The following IMMT variants were observed in gnomAD, a reference collection of about 807,000 sequenced individuals.
The protein encoded by IMMT is MICOS complex subunit MIC60.
Under a neutral mutation model 92.7 loss-of-function variants are expected in IMMT, and 40 were observed. The observed-to-expected ratio is 0.43, with a 90% CI of 0.34 to 0.56. IMMT has a LOEUF of 0.56. IMMT is among the 20% of genes least tolerant of loss of function. The pLI, the probability that IMMT is intolerant of heterozygous loss-of-function variation, is 0.03. For synonymous variants in IMMT, 322 were observed against 336.1 expected (o/e 0.96, Z 0.46); for missense variants, 831 against 912.1 (o/e 0.91, Z 1.14).
intron 10 of IMMT, 33 bp downstream of exon 10, chr2:86,158,556 ACAT>A: frequency 6.6e-7 from 1 of 1,512,626 alleles, no homozygotes; most frequent in Non-Finnish European, 9.0e-7. Context: ...AGTGGTTAAA[ACAT>A]CAAAAAAAAA....
intron 12 of IMMT, among the ~76,000 whole-genome samples, chr2:86,150,537 T>C (rs932418835): frequency 6.6e-6 from 1 of 152,162 alleles, no homozygotes; most frequent in Non-Finnish European, 1.5e-5. Flanking sequence ...GATGAGTAGT[T>C]AGGTTCCCAA....
intron 1 of IMMT, among the ~76,000 whole-genome samples, chr2:86,189,588 T>C (rs944692414): frequency 1.3e-5 from 2 of 152,154 alleles, no homozygotes; most frequent in Non-Finnish European, 2.9e-5. Flanking sequence ...ATGGAGCCTG[T>C]AGTATGAGCT....
rs1048522769 is a variant in IMMT at position 86,175,484 on chromosome 2, T to TA, written c.310-1724dup. ...TATCTTGGTACTATCTTTAATGACA[T>TA]ACATATATATTTGAGAGAAATGACA... On this transcript the variant is annotated intron_variant, in intron 3 of 14. Transcript: ENST00000410111. 1.0e-3 allele frequency among the ~76,000 whole-genome samples: 159 copies of TA among 152,234 alleles called. 1 individual carries two copies. The highest frequency in any genetic ancestry group is 3.7e-3 in the African/African-American group (153 of 41,562).
At position 86,178,176 on chromosome 2, in the gene IMMT, G is replaced by C. The variant is rs558889231; in HGVS notation, c.309+1257C>G. ...TAAAAAAAATACAAAAAATTAGCCAGGCGTGGTGGTGAGCGCCTGTAGGCC... is the reference window on the plus strand; with the variant it reads ...TAAAAAAAATACAAAAAATTAGCCACGCGTGGTGGTGAGCGCCTGTAGGCC... On this transcript the variant is annotated intron_variant, in intron 3 of 14. Transcript: ENST00000410111. Among the ~76,000 whole-genome samples, 14 of 152,080 alleles carry C rather than the reference G, an allele frequency of 9.2e-5. No homozygotes were observed. The South Asian group carries it at 2.5e-3, about 27-fold the overall frequency.
chr2:86,191,631 C>T (rs570024074), intron 1 of IMMT, among the ~76,000 whole-genome samples: 10 of 151,340 alleles, frequency 6.6e-5, no homozygotes, highest in East Asian at 2.0e-4. Flanking sequence ...CAGCCAGGCG[C>T]GGTGGCTCAC....
intron 8 of IMMT, 174 bp from the exon 9 acceptor site, chr2:86,159,845 G>A (rs1476543130): frequency 7.1e-6 from 3 of 422,540 alleles, no homozygotes; most frequent in Non-Finnish European, 8.2e-6. Flanking sequence ...CTTGAGCCCA[G>A]GAGTTCAAGA....
chr2:86,164,249 G>A (rs1029083664), intron 7 of IMMT, among the ~76,000 whole-genome samples: 1 of 151,172 alleles, frequency 6.6e-6, no homozygotes, highest in Admixed American at 6.6e-5. Flanking sequence ...TAGAAACGGG[G>A]TTTCTCCATG....
intron 1 of IMMT, among the ~76,000 whole-genome samples, chr2:86,187,849 T>C (rs1327856124): frequency 3.3e-5 from 5 of 150,454 alleles, no homozygotes. Context: ...GAGGTAGAGG[T>C]TGCGGTGAGC....
rs1672422542 is a variant in IMMT at position 86,181,349 on chromosome 2, G to A, written c.69C>T (p.Val23=). The stretch of plus-strand genomic sequence containing the variant: ...TGCGGCATGGTCGCAATGGACGGAG[G>A]ACAAACTTCCCACAGAGACAACTCT... ...AAQSCLCGKF[V]LRPLRPCRRY... Residue 23 remains valine, a synonymous_variant, in exon 2 of 15, where the codon GTC becomes GTT. Transcript: ENST00000410111. The A allele has an allele frequency of 1.2e-6, 2 of 1,613,534 alleles. No homozygotes were observed. Among genetic ancestry groups the A allele is most frequent in the African/African-American group, 2.7e-5 (2 of 74,962 alleles).
At chr2:86,169,701 C>T (rs1676956418) in intron 6 of IMMT, among the ~76,000 whole-genome samples, 1 of 148,536 alleles carries the variant, frequency 6.7e-6, no homozygotes, top group African/African-American at 2.6e-5. Flanking sequence ...CTTTTTTAAA[C>T]CATCAAAAAA....
chr2:86,188,386 TACACGCACACACGCGCACAC>T (rs939491683), intron 1 of IMMT, among the ~76,000 whole-genome samples: 3 of 152,028 alleles, frequency 2.0e-5, no homozygotes, highest in African/African-American at 2.4e-5. Context: ...TGCATACACA[TACACGCACACACGCGCACAC>T]ACACACGCAC....
At chr2:86,194,964 G>A (rs753526009) in intron 1 of IMMT, 1 of 248,192 alleles carries the variant, frequency 4.0e-6, no homozygotes. Context: ...CGCTCGTCCT[G>A]ACGGGAACTG....
intron 1 of IMMT, among the ~76,000 whole-genome samples, chr2:86,185,327 C>G (rs1326084791): frequency 2.0e-5 from 3 of 152,072 alleles, no homozygotes; most frequent in Non-Finnish European, 1.5e-5. Flanking sequence ...ATAAAAGAGT[C>G]AGGATTTGGT....
Position 86,194,403 on chromosome 2 carries a change from G to T in IMMT, c.45+935C>A, listed in dbSNP as rs920081471. ...AGGTTCGTTCCACTTTCCTATGGAA[G>T]GGGCTGCTTCTGTTACCTAGCAGCA... On this transcript the variant is annotated intron_variant, in intron 1 of 14. Coordinates refer to ENST00000410111, the MANE Select transcript of IMMT (RefSeq NM_006839.3). 3.3e-5 allele frequency among the ~76,000 whole-genome samples: 5 copies of T among 152,302 alleles called. No homozygotes were observed. The South Asian group carries it at 1.0e-3, about 32-fold the overall frequency.
rs751752839 is a variant in IMMT at position 86,144,394 on chromosome 2, G to A, written c.2151C>T (p.Ser717=). ...AKFVNQLKGE[S]RRVAQDWLKE... is the part of the protein sequence containing the mutation. ...TCAGCCAGTCCTGTGCCACTCGTCT[G>A]GATTCCCCCTTCAGCTGATTGACAA... The change falls in exon 15 of 15, where the codon TCC becomes TCT. Residue 717 remains serine, a synonymous_variant. Transcript: ENST00000410111. 2.5e-6 allele frequency: 4 copies of A among 1,613,966 alleles called. No homozygotes were observed. The East Asian group carries it at 6.7e-5, about 27-fold the overall frequency.
chr2:86,165,905 A>T (rs2105072729), intron 7 of IMMT, among the ~76,000 whole-genome samples: 1 of 152,372 alleles, frequency 6.6e-6, no homozygotes, highest in East Asian at 1.9e-4. Flanking sequence ...AAAATATTTA[A>T]GTGCTATTAA....
rs763471895 is a variant in IMMT at position 86,183,922 on chromosome 2, G to GT, written c.46-2551dup. Among the ~76,000 whole-genome samples, 10 of 152,242 alleles carry GT rather than the reference G, an allele frequency of 6.6e-5. No homozygotes were observed. In the East Asian group the frequency reaches 1.9e-3, roughly 29 times the overall value. ...CCAGCCCCTATTGAGGGACACTGAG[G>GT]TTTTTTCTAAATTTTTGTTAAAATA... On this transcript the variant is annotated intron_variant, in intron 1 of 14. Transcript: ENST00000410111.
chr2:86,173,422 A>G, intron 4 of IMMT: 1 of 400,380 alleles, frequency 2.5e-6, no homozygotes, highest in Non-Finnish European at 4.5e-6. Context: ...CTCTACTAAA[A>G]ATAGAAAATT....
intron 1 of IMMT, among the ~76,000 whole-genome samples, chr2:86,181,852 C>T (rs1423441472): frequency 6.6e-6 from 1 of 152,178 alleles, no homozygotes; most frequent in East Asian, 1.9e-4. Context: ...TTTCTCATCT[C>T]TAAGCTAACT....
Sources: allele counts gnomAD v4.1 joint callset (sites outside exome capture counted in the v4.1 genomes callset), GRCh38; gene constraint gnomAD v4.1.1; transcripts MANE v1.5; gene names NCBI Gene and HGNC (gene_info 2026-07-23, HGNC 2026-07-21).